CCN4: variants seen among roughly 807,000 people sequenced by gnomAD.
CCN4 encodes the protein cellular communication network factor 4.
Under a neutral mutation model 36.7 loss-of-function variants are expected in CCN4, and 30 were observed. The observed-to-expected ratio is 0.82, with a 90% CI of 0.61 to 1.11. The LOEUF (loss-of-function observed/expected upper bound fraction) is 1.11, where lower values mean the gene tolerates loss of function less well. Ranked by LOEUF, CCN4 falls within the 50% of genes least tolerant of loss-of-function variation. CCN4 has a pLI of 0.00. For missense variants in CCN4, 505 were observed against 504.9 expected, an observed-to-expected ratio of 1.00 and a Z score of 0.00; for synonymous variants, 191 against 195.4, an observed-to-expected ratio of 0.98 and a Z score of 0.19.
intron 2 of CCN4, among the ~76,000 whole-genome samples, chr8:133,218,550 T>C (rs1339669961): frequency 6.6e-6 from 1 of 152,194 alleles, no homozygotes; most frequent in Non-Finnish European, 1.5e-5. Flanking sequence ...CAGTATCCAA[T>C]AACAGAGACA....
In CCN4 at chr8:133,220,761, G is replaced by C. The variant is rs774616872; in HGVS notation, c.530G>C (p.Gly177Ala). The C allele has an allele frequency of 6.2e-7, 1 of 1,613,396 alleles. No homozygotes were observed. Among genetic ancestry groups the C allele is most frequent in the African/African-American group, 1.3e-5 (1 of 75,068 alleles). Residue 177 changes from glycine (G) to alanine (A), a missense_variant, in exon 3 of 5, where the codon GGC (glycine) becomes GCC (alanine). By Grantham distance (60) the Gly-to-Ala change is moderately conservative. Transcript: ENST00000250160. Reference sequence around the variant, plus strand: ...CACCCGCGGCGCGTGAGCATACCTGGCCACTGCTGTGAGCAGTGGGTATGT... The same window carrying C: ...CACCCGCGGCGCGTGAGCATACCTGCCCACTGCTGTGAGCAGTGGGTATGT... The part of the protein sequence containing the change: ...CPHPRRVSIP[G>A]HCCEQWVCED...
At chr8:133,199,863 C>T (rs2130538810) in intron 1 of CCN4, among the ~76,000 whole-genome samples, 1 of 152,282 alleles carries the variant, frequency 6.6e-6, no homozygotes, top group African/African-American at 2.4e-5. Context: ...CCACGGCGAG[C>T]CCCTTCCCAC....
In CCN4 at chr8:133,230,607, C is replaced by T. The variant is rs1017661047; in HGVS notation, c.*2897C>T. ...TTCAAACAGACCAAATAGATCATCACCTCTGTGGTCCCTTGTTAACTATAT... is the reference window on the plus strand; with the variant it reads ...TTCAAACAGACCAAATAGATCATCATCTCTGTGGTCCCTTGTTAACTATAT... On this transcript the variant is annotated 3_prime_UTR_variant, in exon 5 of 5. Transcript: ENST00000250160. 2 of 152,164 alleles carry T rather than the reference C, an allele frequency of 1.3e-5. No individual in the cohort carries two copies. The highest frequency in any genetic ancestry group is 4.8e-5 in the African/African-American group (2 of 41,432). The allele number at this position is 152,164 out of a possible 1,614,324, so 9.4% of individuals were successfully genotyped here. A position where few individuals can be genotyped will look rare whatever the true frequency, so the allele number is the denominator to read the frequency against.
chr8:133,225,216 C>CCACT, intron 3 of CCN4, among the ~76,000 whole-genome samples, 174 bp from the exon 4 acceptor site: 1 of 152,196 alleles, frequency 6.6e-6, no homozygotes, highest in Non-Finnish European at 1.5e-5. Context: ...AACATGTCCT[C>CCACT]CACTCCCTGG....
Position 133,191,230 on chromosome 8 carries a change from G to A in CCN4, c.69+17G>A, listed in dbSNP as rs1472592908. 6.2e-7 allele frequency: 1 copy of A among 1,601,294 alleles called. No homozygotes were observed. The highest frequency in any genetic ancestry group is 1.7e-5 in the Admixed American group (1 of 59,802). ...CTGGCCACGGTGAGTCCTGCCTGGA[G>A]GGGCTCAGAGGGAGACCCAGCTCCC... On this transcript the variant is annotated intron_variant, in intron 1 of 4. Coordinates refer to ENST00000250160, the MANE Select transcript of CCN4 (RefSeq NM_003882.4).
chr8:133,213,028 G>A lies in CCN4; in HGVS notation c.234G>A (p.Met78Ile). The change falls in exon 2 of 5, where the codon ATG becomes ATA. Residue 78 changes from methionine (M) to isoleucine (I), a missense_variant. By Grantham distance (10) the Met-to-Ile change is conservative. Transcript: ENST00000250160. ...CAGATGGCTGTGAGTGCTGTAAGAT[G>A]TGCGCTCAGCAGCTTGGGGACAACT... is the stretch of plus-strand genomic sequence containing the variant. The part of the protein sequence containing the change: ...LITDGCECCK[M>I]CAQQLGDNCT... 7 of 1,614,178 alleles carry A rather than the reference G, an allele frequency of 4.3e-6. No homozygotes were observed. Among genetic ancestry groups the A allele is most frequent in the Non-Finnish European group, 5.9e-6 (7 of 1,180,004 alleles).
chr8:133,217,289 G>A (rs959112817), intron 2 of CCN4, among the ~76,000 whole-genome samples: 1 of 152,210 alleles, frequency 6.6e-6, no homozygotes, highest in African/African-American at 2.4e-5. Context: ...GCTACAACAA[G>A]GCATGGCCCA....
rs1012834278 is a variant in CCN4 at position 133,191,085 on chromosome 8, C to T, written c.-60C>T. On this transcript the variant is annotated 5_prime_UTR_variant, in exon 1 of 5. The change creates a premature stop within an existing upstream ORF in the 5' untranslated region. Transcript: ENST00000250160. ...CCGGCCAGTCTGGGCCCAGCTCCCC[C>T]GAGAGGTGGTCGGATCCTCTGGGCT... is the stretch of plus-strand genomic sequence containing the variant. 3.2e-6 allele frequency: 5 copies of T among 1,585,992 alleles called. No individual in the cohort carries two copies. Among genetic ancestry groups the T allele is most frequent in the East Asian group, 2.2e-5 (1 of 44,474 alleles).
At chr8:133,209,270 C>T (rs571053201) in intron 1 of CCN4, among the ~76,000 whole-genome samples, 3 of 152,296 alleles carry the variant, frequency 2.0e-5, no homozygotes, top group Non-Finnish European at 2.9e-5. Flanking sequence ...CCTAGGTAAG[C>T]GTCTATGCTG....
rs1442378142 is a variant in CCN4, at chr8:133,230,519, C to T, written c.*2809C>T. On this transcript the variant is annotated 3_prime_UTR_variant, in exon 5 of 5. Transcript: ENST00000250160. ...GCAGCTTATTCTACCAGCCCCTGCT[C>T]TTGCGGAGGCCTCTGGAAAAGACCT... is the stretch of plus-strand genomic sequence containing the variant. 6 of 152,224 alleles carry T rather than the reference C, an allele frequency of 3.9e-5. No homozygotes were observed. The highest frequency in any genetic ancestry group is 2.6e-4 in the Admixed American group (4 of 15,288). 9.4% of individuals were successfully genotyped at this position (152,224 alleles called of 1,614,324 possible).
At chr8:133,225,706 A>G (rs1225856403) in intron 4 of CCN4, 123 bp downstream of exon 4, 1 of 987,530 alleles carries the variant, frequency 1.0e-6, no homozygotes, top group East Asian at 2.7e-5. Context: ...CTCACCTGGT[A>G]GGTCTGGTGT....
At chr8:133,194,378 GGTGT>G (rs1255237685) in intron 1 of CCN4, among the ~76,000 whole-genome samples, 1 of 111,392 alleles carries the variant, frequency 9.0e-6, no homozygotes, top group Non-Finnish European at 1.9e-5. Context: ...GTGTGTGTGG[GGTGT>G]GTGTGTGGTG....
At chr8:133,200,046 C>T (rs80101143) in intron 1 of CCN4, among the ~76,000 whole-genome samples, 2 of 152,182 alleles carry the variant, frequency 1.3e-5, no homozygotes, top group Admixed American at 6.5e-5. Flanking sequence ...TAGGGGTATC[C>T]TTGTGTGTCA....
At chr8:133,209,382 T>C (rs113622897) in intron 1 of CCN4, among the ~76,000 whole-genome samples, 1 of 152,312 alleles carries the variant, frequency 6.6e-6, no homozygotes, top group African/African-American at 2.4e-5. Context: ...CAGAGGGTTT[T>C]CCCCTGCACA....
Position 133,225,499 on chromosome 8 carries a change from T to C in CCN4, c.720T>C (p.Asn240=), listed in dbSNP as rs768980514. ...TGGGGGTCTCCACTCGGATCTCCAA[T>C]GTTAACGCCCAGTGCTGGCCTGAGC... ...CGLGVSTRIS[N]VNAQCWPEQE... Residue 240 remains asparagine, a synonymous_variant, in exon 4 of 5, where the codon AAT becomes AAC. Coordinates refer to ENST00000250160, the MANE Select transcript of CCN4 (RefSeq NM_003882.4). 1.2e-6 allele frequency: 2 copies of C among 1,614,096 alleles called. No homozygotes were observed. Among genetic ancestry groups the C allele is most frequent in the Non-Finnish European group, 1.7e-6 (2 of 1,179,996 alleles).
chr8:133,206,793 T>C (rs1194460519), intron 1 of CCN4, among the ~76,000 whole-genome samples: 1 of 152,134 alleles, frequency 6.6e-6, no homozygotes, highest in Non-Finnish European at 1.5e-5. Context: ...GTCCCAGAAC[T>C]AACTGGGAGG....
rs1425258521 is a variant in CCN4, at chr8:133,228,927, G to A, written c.*1217G>A. Reference sequence around the variant, plus strand: ...AGAAACAGAAATAGACTTAATAAAGGTTTAAAGCTGAAGAGGTTGAAGCTA... The same window carrying A: ...AGAAACAGAAATAGACTTAATAAAGATTTAAAGCTGAAGAGGTTGAAGCTA... On this transcript the variant is annotated 3_prime_UTR_variant, in exon 5 of 5. Transcript: ENST00000250160. 2 of 152,204 alleles carry A rather than the reference G, an allele frequency of 1.3e-5. No homozygotes were observed. Among genetic ancestry groups the A allele is most frequent in the Non-Finnish European group, 2.9e-5 (2 of 68,034 alleles). 9.4% of individuals were successfully genotyped at this position (152,204 alleles called of 1,614,324 possible).
rs967952595 is a variant in CCN4 at position 133,231,015 on chromosome 8, T to A, written c.*3305T>A. ...TCTCTTCTTGTGCTACGCCTAGTTA[T>A]TCTGTCCCCCAAATCAAAAGGCATG... is the stretch of plus-strand genomic sequence containing the variant. On this transcript the variant is annotated 3_prime_UTR_variant, in exon 5 of 5. Coordinates refer to ENST00000250160, the MANE Select transcript of CCN4 (RefSeq NM_003882.4). The A allele has an allele frequency of 1.3e-5, 2 of 152,232 alleles. No homozygotes were observed. Among genetic ancestry groups the A allele is most frequent in the Non-Finnish European group, 2.9e-5 (2 of 68,042 alleles). 9.4% of individuals were successfully genotyped at this position (152,232 alleles called of 1,614,324 possible).
intron 1 of CCN4, among the ~76,000 whole-genome samples, chr8:133,203,212 C>T (rs1376009088): frequency 2.0e-5 from 3 of 152,218 alleles, no homozygotes; most frequent in African/African-American, 4.8e-5. Flanking sequence ...AAGGGCAACC[C>T]GTCCCTGAGA....
Sources: gnomAD v4.1 joint callset for allele counts (sites outside exome capture counted in the v4.1 genomes callset) on GRCh38, gnomAD v4.1.1 for gene constraint, MANE v1.5 for transcripts, NCBI Gene and HGNC (gene_info 2026-07-23, HGNC 2026-07-21) for gene names.